The following DOCK9 variants were observed in gnomAD, a reference collection of about 807,000 sequenced individuals.
DOCK9 encodes dedicator of cytokinesis 9.
DOCK9 carries 89 observed loss-of-function variants against 263.3 expected under a neutral mutation model. That is an observed-to-expected ratio of 0.34 (90% confidence interval 0.28 to 0.40). The LOEUF is 0.40. DOCK9 is among the 10% of genes least tolerant of loss of function. The pLI is 1.00. For synonymous variants in DOCK9, 976 were observed against 973.1 expected (o/e 1.00, Z -0.06); for missense variants, 2,140 against 2,603.4 (o/e 0.82, Z 3.87).
rs368073310 is a variant in DOCK9, at chr13:99,011,058, G to A, written c.130-55507C>T. Among the ~76,000 whole-genome samples the A allele has an allele frequency of 6.6e-5, 10 of 152,106 alleles. 1 individual carries two copies. The highest frequency in any genetic ancestry group is 1.9e-4 in the East Asian group (1 of 5,170). ...GATTACAGGCAGTGCCACCATGCCC[G>A]GCTAATTTTTATATTTTTAGTAGAG... is the stretch of plus-strand genomic sequence containing the variant. On this transcript the variant is annotated intron_variant, in intron 1 of 32. Transcript: ENST00000427887.
At chr13:98,988,039 C>A (rs961460124) in intron 1 of DOCK9, among the ~76,000 whole-genome samples, 6 of 152,176 alleles carry the variant, frequency 3.9e-5, no homozygotes, top group African/African-American at 1.4e-4. Flanking sequence ...ATTTTCCCTT[C>A]TTTCTACTTA....
chr13:98,909,195 G>A (rs376539617), intron 9 of DOCK9, among the ~76,000 whole-genome samples: 1 of 152,302 alleles, frequency 6.6e-6, no homozygotes, highest in African/African-American at 2.4e-5. Context: ...TTGCTGAGAA[G>A]ACAAGGAAAA....
intron 1 of DOCK9, among the ~76,000 whole-genome samples, chr13:99,008,352 G>C (rs1030483697): frequency 3.3e-5 from 5 of 151,230 alleles, no homozygotes; most frequent in South Asian, 2.1e-4. Flanking sequence ...TCCTGCCTCA[G>C]CCTCCCGAGT....
chr13:99,032,748 T>C (rs1230261600), intron 1 of DOCK9, among the ~76,000 whole-genome samples: 2 of 152,196 alleles, frequency 1.3e-5, no homozygotes, highest in African/African-American at 2.4e-5. Context: ...AAAATCTGTA[T>C]AGTTTAAAAG....
At chr13:98,914,505 TC>T in intron 8 of DOCK9, 110 bp from the exon 9 acceptor site, 1 of 871,348 alleles carries the variant, frequency 1.1e-6, no homozygotes, top group Non-Finnish European at 1.8e-6. Context: ...ACACAGTGGT[TC>T]CCCACTCTGG....
At position 98,911,500 on chromosome 13, in the gene DOCK9, A is replaced by G. The variant is rs115123583; in HGVS notation, c.960+2828T>C. 4.1e-3 allele frequency among the ~76,000 whole-genome samples: 628 copies of G among 152,330 alleles called. 7 individuals are homozygous for G. Among genetic ancestry groups the G allele is most frequent in the African/African-American group, 0.015 (603 of 41,564 alleles). On this transcript the variant is annotated intron_variant, in intron 9 of 52. Transcript: ENST00000682017. ...ACTAAGAAAAACAAATATCTTTTAT[A>G]TCACTATGCAAGACACACATACACA... is the stretch of plus-strand genomic sequence containing the variant.
At chr13:98,815,276 G>A (rs1242179370) in intron 45 of DOCK9, among the ~76,000 whole-genome samples, 1 of 152,062 alleles carries the variant, frequency 6.6e-6, no homozygotes, top group Non-Finnish European at 1.5e-5. Flanking sequence ...AGTAGAGGTG[G>A]AAGAATTCTA....
chr13:98,923,452 C>T (rs1380019858), intron 4 of DOCK9, 81 bp from the exon 5 acceptor site: 2 of 1,166,628 alleles, frequency 1.7e-6, no homozygotes, highest in African/African-American at 1.5e-5. Context: ...CATCATAGGG[C>T]CCGGCCTTTA....
intron 34 of DOCK9, among the ~76,000 whole-genome samples, 167 bp from the exon 35 acceptor site, chr13:98,853,689 A>G (rs1020114996): frequency 2.0e-5 from 3 of 152,156 alleles, no homozygotes; most frequent in African/African-American, 7.2e-5. Context: ...TCGCCCAAAT[A>G]TAACACACTC....
rs1479548532 is a variant in DOCK9, at chr13:98,902,505, A to G, written c.1177-14T>C. On this transcript the variant is annotated splice_polypyrimidine_tract_variant and intron_variant, in intron 11 of 52. Coordinates refer to ENST00000682017, the MANE Select transcript of DOCK9 (RefSeq NM_001366683.2). Reference sequence around the variant, plus strand: ...GAAAGGTTCAACCTGAACAAAACAAAACAATCCAATGATCACCATGGCTCA... The same window carrying G: ...GAAAGGTTCAACCTGAACAAAACAAGACAATCCAATGATCACCATGGCTCA... The G allele has an allele frequency of 1.2e-6, 2 of 1,610,888 alleles. No individual in the cohort carries two copies. The highest frequency in any genetic ancestry group is 1.7e-6 in the Non-Finnish European group (2 of 1,178,064).
At chr13:98,837,315 A>G (rs2093041646) in intron 39 of DOCK9, among the ~76,000 whole-genome samples, 179 bp downstream of exon 39, 1 of 152,206 alleles carries the variant, frequency 6.6e-6, no homozygotes, top group African/African-American at 2.4e-5. Flanking sequence ...AGGGCATTCA[A>G]GCCATTCACT....
chr13:98,977,847 G>A lies in DOCK9; in HGVS notation c.63C>T (p.Ser21=), dbSNP rs1476552339. 1 of 1,607,536 alleles carries A rather than the reference G, an allele frequency of 6.2e-7. No individual in the cohort carries two copies. Among genetic ancestry groups the A allele is most frequent in the Admixed American group, 1.7e-5 (1 of 59,128 alleles). ...GAGCTGCATCCTTGTATTGCAGGGG[G>A]GACTCAATCACCAGTTCCTTTTTGA... ...RSVKKELVIE[S]PLQYKDAAQG... is the part of the protein sequence containing the mutation. Residue 21 remains serine, a synonymous_variant, in exon 1 of 53, where the codon TCC becomes TCT. Transcript: ENST00000682017.
intron 9 of DOCK9, among the ~76,000 whole-genome samples, chr13:98,906,908 G>T (rs1434480227): frequency 6.6e-6 from 1 of 152,126 alleles, no homozygotes; most frequent in East Asian, 1.9e-4. Flanking sequence ...TAAACAAGAT[G>T]ATGGCTCAAG....
At chr13:98,846,700 C>A (rs1264646042) in intron 37 of DOCK9, 2 of 480,330 alleles carry the variant, frequency 4.2e-6, no homozygotes, top group East Asian at 1.3e-4. Flanking sequence ...CGGAGCCAAC[C>A]GTCCCCCTCA....
intron 32 of DOCK9, among the ~76,000 whole-genome samples, chr13:98,862,093 G>A (rs1318625398): frequency 6.6e-6 from 1 of 152,092 alleles, no homozygotes; most frequent in Non-Finnish European, 1.5e-5. Flanking sequence ...AAATTCTGAG[G>A]CCTCACAAGA....
chr13:98,883,656 T>C (rs1344427663), intron 22 of DOCK9, among the ~76,000 whole-genome samples, 157 bp downstream of exon 22: 1 of 152,226 alleles, frequency 6.6e-6, no homozygotes, highest in Non-Finnish European at 1.5e-5. Context: ...TTTATATGAA[T>C]ACATATAAGC....
intron 27 of DOCK9, among the ~76,000 whole-genome samples, chr13:98,876,610 AAAAC>A (rs1348178360): frequency 2.0e-5 from 3 of 152,272 alleles, no homozygotes; most frequent in African/African-American, 7.2e-5. Context: ...TCAGAAGACT[AAAAC>A]AAAGAATTAG....
chr13:99,087,882 GTTTTGGGAGAATACC>G (rs2042385262), upstream of DOCK9: 1 of 152,306 alleles, frequency 6.6e-6, no homozygotes, highest in Non-Finnish European at 1.5e-5. Context: ...TGAAAACCCA[GTTTTGGGAGAATACC>G]TGCCGCGCCT....
chr13:98,976,979 T>C (rs1423894079), intron 1 of DOCK9, among the ~76,000 whole-genome samples: 1 of 152,188 alleles, frequency 6.6e-6, no homozygotes, highest in African/African-American at 2.4e-5. Flanking sequence ...CATATCAGTT[T>C]AACAATCTCT....
Sources: allele counts gnomAD v4.1 joint callset (sites outside exome capture counted in the v4.1 genomes callset), GRCh38; gene constraint gnomAD v4.1.1; transcripts MANE v1.5; gene names NCBI Gene and HGNC (gene_info 2026-07-23, HGNC 2026-07-21).